The following PARD3 variants were observed in gnomAD, a reference collection of about 807,000 sequenced individuals.
PARD3 encodes the protein partitioning defective 3 homolog.
In PARD3, 75 loss-of-function variants were observed where a neutral mutation model predicts 155.4. The ratio of observed to expected loss-of-function variants is 0.48; its 90% CI spans 0.40 to 0.58. The LOEUF (loss-of-function observed/expected upper bound fraction) is 0.58, where lower values mean the gene tolerates loss of function less well. Among genes scored for constraint, PARD3 ranks in the 20% least tolerant of loss-of-function variants. PARD3 has a pLI of 0.00. For missense variants in PARD3, 1,642 were observed against 1,721.7 expected (o/e 0.95, Z 0.82); for synonymous variants, 576 against 610.5 (o/e 0.94, Z 0.83).
intron 2 of PARD3, among the ~76,000 whole-genome samples, chr10:34,635,928 G>T (rs868735570): frequency 6.6e-6 from 1 of 151,822 alleles, no homozygotes; most frequent in Non-Finnish European, 1.5e-5. Flanking sequence ...AGGTCAATGA[G>T]AACAGAGCCT....
intron 2 of PARD3, among the ~76,000 whole-genome samples, chr10:34,606,430 C>G (rs1386145342): frequency 1.3e-5 from 2 of 151,806 alleles, no homozygotes; most frequent in Non-Finnish European, 2.9e-5. Context: ...TGCTGTGGAG[C>G]ATGATTTTCA....
At chr10:34,588,595 T>C (rs1435056564) in intron 2 of PARD3, among the ~76,000 whole-genome samples, 2 of 152,174 alleles carry the variant, frequency 1.3e-5, no homozygotes, top group African/African-American at 4.8e-5. Flanking sequence ...AATCCCTACC[T>C]GTAAGCCATC....
rs186035065 is a variant in PARD3 at position 34,528,178 on chromosome 10, T to G, written c.223-11019A>C. Among the ~76,000 whole-genome samples the G allele has an allele frequency of 6.8e-4, 103 of 152,342 alleles. 1 individual carries two copies. Among genetic ancestry groups the G allele is most frequent in the Non-Finnish European group, 3.4e-4 (23 of 68,032 alleles). On this transcript the variant is annotated intron_variant, in intron 2 of 24. Transcript: ENST00000374788. The stretch of plus-strand genomic sequence containing the variant: ...ATTTCCCCCAATCCACAAATTGCTT[T>G]AATACTGAAATTTAATGCCAATCTT...
At chr10:34,524,820 C>T (rs576716724) in intron 2 of PARD3, among the ~76,000 whole-genome samples, 6 of 152,208 alleles carry the variant, frequency 3.9e-5, no homozygotes, top group African/African-American at 1.4e-4. Context: ...GGAAGTGGCA[C>T]GAGTTGTGAT....
chr10:34,430,156 C>A (rs531627997), intron 5 of PARD3, among the ~76,000 whole-genome samples: 2 of 152,352 alleles, frequency 1.3e-5, no homozygotes, highest in South Asian at 4.1e-4. Flanking sequence ...TGCCAACTGG[C>A]ATGTTCTTGA....
chr10:34,602,577 T>TA (rs1271365547), intron 2 of PARD3, among the ~76,000 whole-genome samples: 3 of 152,186 alleles, frequency 2.0e-5, no homozygotes, highest in African/African-American at 7.2e-5. Flanking sequence ...GGAAAAATCA[T>TA]ACGACAAAAT....
intron 23 of PARD3, among the ~76,000 whole-genome samples, chr10:34,128,620 T>C (rs1947420373): frequency 1.3e-5 from 2 of 152,176 alleles, no homozygotes; most frequent in African/African-American, 2.4e-5. Context: ...AACCCCCATG[T>C]TGTTTAAGGG....
chr10:34,702,241 G>A (rs1424609608), intron 1 of PARD3, among the ~76,000 whole-genome samples: 1 of 151,220 alleles, frequency 6.6e-6, no homozygotes, highest in Non-Finnish European at 1.5e-5. Context: ...TGTAGTCCCA[G>A]CCACCTAGGA....
chr10:34,297,195 C>T (rs973789156), intron 20 of PARD3, among the ~76,000 whole-genome samples: 4 of 152,160 alleles, frequency 2.6e-5, no homozygotes, highest in South Asian at 4.1e-4. Flanking sequence ...CCTAGCTACT[C>T]GGGAGGCTTA....
Position 34,317,106 on chromosome 10 carries a change from C to T in PARD3, c.3065+1G>A. 1 of 1,549,238 alleles carries T rather than the reference C, an allele frequency of 6.5e-7. No individual in the cohort carries two copies. Among genetic ancestry groups the T allele is most frequent in the Non-Finnish European group, 8.7e-7 (1 of 1,146,456 alleles). ...TCTGGTTTGGGATGGTAACGACTTA[C>T]CTGAACATGTCTCCCAAGCCCTTCA... is the stretch of plus-strand genomic sequence containing the variant. On this transcript the variant is annotated splice_donor_variant, in intron 20 of 24. Coordinates refer to ENST00000374788, the MANE Select transcript of PARD3 (RefSeq NM_001184785.2). LOFTEE classifies it high-confidence loss of function.
At chr10:34,221,694 A>G (rs1381145357) in intron 22 of PARD3, among the ~76,000 whole-genome samples, 1 of 152,188 alleles carries the variant, frequency 6.6e-6, no homozygotes, top group African/African-American at 2.4e-5. Flanking sequence ...GATGACATAG[A>G]AAGAAAAAGA....
At chr10:34,353,347 G>C (rs1399859857) in intron 14 of PARD3, among the ~76,000 whole-genome samples, 3 of 152,210 alleles carry the variant, frequency 2.0e-5, no homozygotes, top group African/African-American at 4.8e-5. Flanking sequence ...GTAGACATAG[G>C]AGACTCCATT....
intron 2 of PARD3, among the ~76,000 whole-genome samples, chr10:34,670,431 C>T (rs1270282163): frequency 6.6e-6 from 1 of 152,254 alleles, no homozygotes; most frequent in African/African-American, 2.4e-5. Flanking sequence ...AAATCTGTCA[C>T]TAAACAGTTC....
At chr10:34,120,443 A>G (rs1375910381) in intron 23 of PARD3, among the ~76,000 whole-genome samples, 1 of 152,178 alleles carries the variant, frequency 6.6e-6, no homozygotes, top group Non-Finnish European at 1.5e-5. Context: ...AAATAAATAA[A>G]TAAAAATTTG....
At chr10:34,787,773 C>T (rs1156502560) in intron 1 of PARD3, among the ~76,000 whole-genome samples, 2 of 149,148 alleles carry the variant, frequency 1.3e-5, no homozygotes, top group Non-Finnish European at 3.0e-5. Context: ...CAACCAACAT[C>T]CTTTTTTTTT....
intron 21 of PARD3, among the ~76,000 whole-genome samples, chr10:34,277,716 T>TG (rs748838140): frequency 2.8e-4 from 42 of 152,120 alleles, no homozygotes; most frequent in Non-Finnish European, 5.0e-4. Context: ...GAGATGAAAC[T>TG]GGTTTTAAAA....
chr10:34,116,598 G>A (rs982562801), intron 24 of PARD3, among the ~76,000 whole-genome samples: 1 of 152,178 alleles, frequency 6.6e-6, no homozygotes, highest in African/African-American at 2.4e-5. Flanking sequence ...AGGGTTCTAT[G>A]TTCCTAATCT....
chr10:34,673,054 G>A (rs1466546005), intron 2 of PARD3, among the ~76,000 whole-genome samples: 3 of 151,998 alleles, frequency 2.0e-5, no homozygotes, highest in African/African-American at 4.8e-5. Context: ...TGATCTAAAC[G>A]ATTCTATTCT....
At chr10:34,551,995 GA>G in intron 2 of PARD3, among the ~76,000 whole-genome samples, 1 of 152,226 alleles carries the variant, frequency 6.6e-6, no homozygotes, top group Non-Finnish European at 1.5e-5. Flanking sequence ...GAGGTAAAAG[GA>G]AGATTCCACA....
Sources: gnomAD v4.1 joint callset for allele counts (sites outside exome capture counted in the v4.1 genomes callset) on GRCh38, gnomAD v4.1.1 for gene constraint, MANE v1.5 for transcripts, NCBI Gene and HGNC (gene_info 2026-07-23, HGNC 2026-07-21) for gene names.